The following LRP1B variants were observed in gnomAD, a reference collection of about 807,000 sequenced individuals.
LRP1B encodes the protein LDL receptor related protein 1B, also known as low-density lipoprotein receptor-related protein 1B.
Under a neutral mutation model 556.6 loss-of-function variants are expected in LRP1B, and 217 were observed. The observed-to-expected ratio is 0.39, with a 90% CI of 0.35 to 0.44. The LOEUF (loss-of-function observed/expected upper bound fraction) is 0.44, where lower values mean the gene tolerates loss of function less well. Among genes scored for constraint, LRP1B ranks in the 20% least tolerant of loss-of-function variants. The pLI is 1.00. For synonymous variants in LRP1B, 2,047 were observed against 1,865.8 expected (o/e 1.10, Z -2.50); for missense variants, 5,053 against 5,620.8 (o/e 0.90, Z 3.23).
chr2:142,053,435 A>G (rs1247861349), intron 1 of LRP1B, among the ~76,000 whole-genome samples: 1 of 152,130 alleles, frequency 6.6e-6, no homozygotes, highest in Non-Finnish European at 1.5e-5. Context: ...TAGAAAGGAG[A>G]ACTTTTCTAT....
intron 41 of LRP1B, among the ~76,000 whole-genome samples, chr2:140,645,663 C>T (rs917848898): frequency 6.6e-6 from 1 of 151,242 alleles, no homozygotes; most frequent in African/African-American, 2.4e-5. Flanking sequence ...CCTCAGCCTC[C>T]CGAGTAGCTG....
Position 141,193,744 on chromosome 2 carries a change from C to A in LRP1B, c.851-5161G>T, listed in dbSNP as rs372513216. Among the ~76,000 whole-genome samples the A allele has an allele frequency of 2.0e-3, 296 of 150,778 alleles. 2 individuals are homozygous for A. Among genetic ancestry groups the A allele is most frequent in the African/African-American group, 6.7e-3 (277 of 41,048 alleles). ...CTAAAATAAAAGTTAGAAAAAAAAA[C>A]CCACAAAATTGAGAAAGTCAAATCT... On this transcript the variant is annotated intron_variant, in intron 6 of 90. Transcript: ENST00000389484.
At chr2:141,834,897 T>C (rs1697222259) in intron 1 of LRP1B, among the ~76,000 whole-genome samples, 1 of 151,586 alleles carries the variant, frequency 6.6e-6, no homozygotes, top group Non-Finnish European at 1.5e-5. Context: ...AGGTGGAAGG[T>C]GAAAGGGATG....
intron 7 of LRP1B, among the ~76,000 whole-genome samples, chr2:141,185,683 C>CAA (rs148935362): frequency 0.036 from 2,669 of 73,614 alleles, 133 homozygotes; most frequent in African/African-American, 0.12. Context: ...GAAAAACAAA[C>CAA]AAACAAAAAA....
chr2:141,710,368 T>G (rs997081888), intron 2 of LRP1B, among the ~76,000 whole-genome samples: 1 of 152,132 alleles, frequency 6.6e-6, no homozygotes, highest in Non-Finnish European at 1.5e-5. Context: ...GGAACTATAC[T>G]ATCAGCAATT....
chr2:141,263,917 TAAAA>T (rs1487802317), intron 3 of LRP1B, among the ~76,000 whole-genome samples: 1 of 152,116 alleles, frequency 6.6e-6, no homozygotes, highest in African/African-American at 2.4e-5. Context: ...AAGCGTTTAA[TAAAA>T]AACAATACCC....
chr2:141,465,220 A>G (rs904935165), intron 3 of LRP1B, among the ~76,000 whole-genome samples: 1 of 152,186 alleles, frequency 6.6e-6, no homozygotes, highest in African/African-American at 2.4e-5. Flanking sequence ...AGTTTTTAAA[A>G]AAAGGCTCAA....
intron 7 of LRP1B, among the ~76,000 whole-genome samples, chr2:141,121,235 G>A (rs1701040583): frequency 6.6e-6 from 1 of 152,024 alleles, no homozygotes; most frequent in Non-Finnish European, 1.5e-5. Flanking sequence ...AACTCCGCCT[G>A]TTTAGAAGCG....
At chr2:141,960,802 A>G (rs190263782) in intron 1 of LRP1B, among the ~76,000 whole-genome samples, 38 of 151,892 alleles carry the variant, frequency 2.5e-4, no homozygotes, top group Non-Finnish European at 4.0e-4. Flanking sequence ...TGTTTACAAT[A>G]ATCTAAAGAT....
At chr2:140,775,334 T>C (rs1241341983) in intron 33 of LRP1B, among the ~76,000 whole-genome samples, 1 of 151,946 alleles carries the variant, frequency 6.6e-6, no homozygotes, top group Non-Finnish European at 1.5e-5. Flanking sequence ...ATACCCCAAA[T>C]CCTTTAGATG....
At chr2:141,972,318 A>G (rs911415099) in intron 1 of LRP1B, among the ~76,000 whole-genome samples, 1 of 151,564 alleles carries the variant, frequency 6.6e-6, no homozygotes, top group Admixed American at 6.6e-5. Flanking sequence ...TTCTCAGATA[A>G]TTGTTAAATG....
At chr2:140,862,055 C>T (rs972254976) in intron 27 of LRP1B, among the ~76,000 whole-genome samples, 4 of 152,144 alleles carry the variant, frequency 2.6e-5, no homozygotes, top group Admixed American at 2.0e-4. Context: ...TACATTTTGC[C>T]TTCAATCTAC....
intron 66 of LRP1B, among the ~76,000 whole-genome samples, chr2:140,422,206 G>C (rs111337771): frequency 0.014 from 2,175 of 152,200 alleles, 56 homozygotes; most frequent in African/African-American, 0.05. Context: ...AGAGATATTC[G>C]ATCCTTTAAG....
chr2:141,084,938 CG>C (rs1350580920), intron 7 of LRP1B, among the ~76,000 whole-genome samples: 4 of 152,244 alleles, frequency 2.6e-5, no homozygotes, highest in African/African-American at 9.6e-5. Flanking sequence ...CGTGAGCCAC[CG>C]CGCCCGGCCT....
chr2:140,870,016 G>A (rs890942365), intron 25 of LRP1B, among the ~76,000 whole-genome samples: 2 of 152,096 alleles, frequency 1.3e-5, no homozygotes, highest in East Asian at 1.9e-4. Flanking sequence ...CAAACACAAG[G>A]GAGGGACTCT....
intron 2 of LRP1B, among the ~76,000 whole-genome samples, chr2:141,501,559 G>C (rs1170807474): frequency 6.6e-6 from 1 of 152,074 alleles, no homozygotes. Context: ...ATTAGAGGAG[G>C]GAAGTTACAA....
chr2:141,795,751 TC>T (rs1263204867), intron 2 of LRP1B, among the ~76,000 whole-genome samples: 1 of 150,872 alleles, frequency 6.6e-6, no homozygotes, highest in Non-Finnish European at 1.5e-5. Context: ...TTTTATTTTT[TC>T]TTCTGGCATG....
intron 51 of LRP1B, among the ~76,000 whole-genome samples, chr2:140,511,403 G>A (rs990346790): frequency 4.3e-5 from 6 of 140,806 alleles, no homozygotes; most frequent in Admixed American, 1.6e-4. Context: ...CCGGGTTCAC[G>A]CCATTCTCCC....
intron 43 of LRP1B, among the ~76,000 whole-genome samples, chr2:140,555,986 T>C (rs1362032697): frequency 6.6e-6 from 1 of 152,060 alleles, no homozygotes; most frequent in Non-Finnish European, 1.5e-5. Context: ...ACATACAATA[T>C]TAAAACTGCA....
Sources: gnomAD v4.1 joint callset for allele counts (sites outside exome capture counted in the v4.1 genomes callset) on GRCh38, gnomAD v4.1.1 for gene constraint, MANE v1.5 for transcripts, NCBI Gene and HGNC (gene_info 2026-07-23, HGNC 2026-07-21) for gene names.